C1orf21: variants seen among roughly 807,000 people sequenced by gnomAD.
The protein encoded by C1orf21 is uncharacterized protein C1orf21.
C1orf21 carries 3 observed loss-of-function variants against 18.7 expected under a neutral mutation model. The ratio of observed to expected loss-of-function variants is 0.16; its 90% CI spans 0.07 to 0.42. The LOEUF (loss-of-function observed/expected upper bound fraction) is 0.42. C1orf21 is among the 10% of genes least tolerant of loss of function. The pLI, the probability that C1orf21 is intolerant of heterozygous loss-of-function variation, is 0.99. For synonymous variants in C1orf21, 41 were observed against 46.4 expected, an observed-to-expected ratio of 0.88 and a Z score of 0.47; for missense variants, 104 against 143.6, an observed-to-expected ratio of 0.72 and a Z score of 1.41.
intron 1 of C1orf21, among the ~76,000 whole-genome samples, chr1:184,452,194 A>G (rs1378757339): frequency 6.6e-6 from 1 of 152,220 alleles, no homozygotes; most frequent in African/African-American, 2.4e-5. Context: ...TTTATTGTTT[A>G]TAAGATAGAA....
At chr1:184,479,105 T>C (rs1015821599) in intron 2 of C1orf21, among the ~76,000 whole-genome samples, 1 of 152,200 alleles carries the variant, frequency 6.6e-6, no homozygotes, top group Non-Finnish European at 1.5e-5. Flanking sequence ...ATGCACTAAT[T>C]GCCTGGAACA....
intron 3 of C1orf21, among the ~76,000 whole-genome samples, chr1:184,559,609 TCCTC>T (rs935945706): frequency 7.2e-5 from 10 of 138,112 alleles, no homozygotes; most frequent in Non-Finnish European, 1.2e-4. Flanking sequence ...CTTCCTTCCT[TCCTC>T]CCTCCCTCCC....
At chr1:184,480,709 G>T (rs983752998) in intron 2 of C1orf21, among the ~76,000 whole-genome samples, 26 of 152,186 alleles carry the variant, frequency 1.7e-4, no homozygotes, top group African/African-American at 6.3e-4. Context: ...CCTGGGGGAA[G>T]AGGTACAGGC....
chr1:184,470,372 AAAAAG>A (rs1571373549), intron 1 of C1orf21, among the ~76,000 whole-genome samples: 2 of 152,174 alleles, frequency 1.3e-5, no homozygotes, highest in South Asian at 4.1e-4. Flanking sequence ...AGTCCAGAAA[AAAAAG>A]GGGGAAAACA....
chr1:184,404,654 G>A (rs1656217287), intron 1 of C1orf21, among the ~76,000 whole-genome samples: 1 of 152,144 alleles, frequency 6.6e-6, no homozygotes, highest in Non-Finnish European at 1.5e-5. Context: ...AGTTTTAGAA[G>A]GAACAAACAT....
chr1:184,455,723 T>C (rs965881450), intron 1 of C1orf21, among the ~76,000 whole-genome samples: 9 of 152,320 alleles, frequency 5.9e-5, no homozygotes, highest in African/African-American at 1.9e-4. Flanking sequence ...CTCCTGGCAC[T>C]ACCAGGGCCT....
chr1:184,502,438 G>T (rs1016620644), intron 2 of C1orf21, among the ~76,000 whole-genome samples: 5 of 151,884 alleles, frequency 3.3e-5, no homozygotes, highest in African/African-American at 1.2e-4. Flanking sequence ...TGGAGGGAAC[G>T]TCAACATTCA....
intron 1 of C1orf21, among the ~76,000 whole-genome samples, chr1:184,413,919 T>C (rs748082747): frequency 3.3e-5 from 5 of 152,166 alleles, no homozygotes; most frequent in Non-Finnish European, 5.9e-5. Context: ...CTGAAAATAA[T>C]TTTTCTTTGT....
At chr1:184,485,763 G>A (rs1041134402) in intron 2 of C1orf21, among the ~76,000 whole-genome samples, 1 of 152,142 alleles carries the variant, frequency 6.6e-6, no homozygotes, top group African/African-American at 2.4e-5. Flanking sequence ...CTTAGTGATA[G>A]ACTTTAGCTG....
chr1:184,447,362 A>G (rs983665595), intron 1 of C1orf21, among the ~76,000 whole-genome samples: 1 of 152,128 alleles, frequency 6.6e-6, no homozygotes, highest in East Asian at 1.9e-4. Context: ...ATGATTCAAG[A>G]ATGTTACAGA....
intron 1 of C1orf21, among the ~76,000 whole-genome samples, chr1:184,393,527 C>A (rs150088662): frequency 1.3e-5 from 2 of 152,172 alleles, no homozygotes; most frequent in African/African-American, 4.8e-5. Context: ...GTTTAGGGAT[C>A]TTTTTGCCTT....
chr1:184,476,755 A>C (rs1657577636), intron 1 of C1orf21, among the ~76,000 whole-genome samples: 2 of 152,294 alleles, frequency 1.3e-5, no homozygotes, highest in Admixed American at 1.3e-4. Context: ...TAAGCAGAAA[A>C]TGGACAGAAG....
At chr1:184,460,682 CTTCT>C (rs1557977870) in intron 1 of C1orf21, among the ~76,000 whole-genome samples, 2 of 110,618 alleles carry the variant, frequency 1.8e-5, no homozygotes, top group Non-Finnish European at 3.9e-5. Context: ...TCTTCTTCTT[CTTCT>C]TTCTTCTTTC....
At chr1:184,388,364 G>A (rs1197750115) in intron 1 of C1orf21, among the ~76,000 whole-genome samples, 1 of 152,196 alleles carries the variant, frequency 6.6e-6, no homozygotes, top group East Asian at 1.9e-4. Context: ...AGCAGTTTGA[G>A]AGAGAAATAA....
chr1:184,559,194 C>T (rs980008919), intron 3 of C1orf21, among the ~76,000 whole-genome samples: 2 of 152,058 alleles, frequency 1.3e-5, no homozygotes, highest in Non-Finnish European at 2.9e-5. Context: ...GGGAGGATCC[C>T]TCATGGCTTG....
intron 1 of C1orf21, among the ~76,000 whole-genome samples, chr1:184,405,191 A>G (rs916895311): frequency 1.3e-5 from 2 of 152,062 alleles, no homozygotes; most frequent in Admixed American, 6.6e-5. Flanking sequence ...CCCAGTGCTA[A>G]TAATTCTTTT....
At chr1:184,493,544 A>G (rs1264659320) in intron 2 of C1orf21, among the ~76,000 whole-genome samples, 1 of 152,242 alleles carries the variant, frequency 6.6e-6, no homozygotes, top group Non-Finnish European at 1.5e-5. Flanking sequence ...AATTACATTT[A>G]AATTCCCTTC....
chr1:184,486,653 C>T (rs769855577), intron 2 of C1orf21, among the ~76,000 whole-genome samples: 4 of 152,198 alleles, frequency 2.6e-5, no homozygotes, highest in East Asian at 1.9e-4. Flanking sequence ...TACTTGGAAA[C>T]GTTTTCTATG....
intron 1 of C1orf21, among the ~76,000 whole-genome samples, chr1:184,476,564 G>A (rs1343769303): frequency 6.6e-6 from 1 of 152,170 alleles, no homozygotes; most frequent in Non-Finnish European, 1.5e-5. Context: ...GGCAGGGAAA[G>A]GTAAAGTCAC....
Sources: allele counts gnomAD v4.1 joint callset (sites outside exome capture counted in the v4.1 genomes callset), GRCh38; gene constraint gnomAD v4.1.1; transcripts MANE v1.5; gene names NCBI Gene and HGNC (gene_info 2026-07-23, HGNC 2026-07-21).